The following RPSA variants were observed in gnomAD, a reference collection of about 807,000 sequenced individuals.
The protein encoded by RPSA is ribosomal protein SA.
For missense variants in RPSA, 140 were observed against 372.8 expected (o/e 0.38, Z 5.14); for synonymous variants, 103 against 126.7 (o/e 0.81, Z 1.25).
rs776972489 is a variant in RPSA at position 39,407,794 on chromosome 3, A to G, written c.133+8A>G. On this transcript the variant is annotated splice_region_variant and intron_variant, in intron 2 of 6. Coordinates refer to ENST00000301821, the MANE Select transcript of RPSA (RefSeq NM_002295.6). ...ATAAAAGGAAAAGTGATGGTTAGTC[A>G]TTGCTTTAATTTTTTGTTACTCCAG... 6.3e-6 allele frequency: 10 copies of G among 1,597,306 alleles called. No homozygotes were observed. The highest frequency in any genetic ancestry group is 6.8e-6 in the Non-Finnish European group (8 of 1,179,026).
In RPSA at chr3:39,407,604, T is replaced by A. The variant is rs1192174580; in HGVS notation, c.-33-17T>A. On this transcript the variant is annotated splice_polypyrimidine_tract_variant and intron_variant, in intron 1 of 6. Coordinates refer to ENST00000301821, the MANE Select transcript of RPSA (RefSeq NM_002295.6). Reference sequence around the variant, plus strand: ...ACTCAATGGAATGAAAAGAAATAGGTTGCTCTCTTATTTCAGATTCCCGTC... The same window carrying A: ...ACTCAATGGAATGAAAAGAAATAGGATGCTCTCTTATTTCAGATTCCCGTC... 2 of 1,575,948 alleles carry A rather than the reference T, an allele frequency of 1.3e-6. No individual in the cohort carries two copies. Among genetic ancestry groups the A allele is most frequent in the Non-Finnish European group, 1.7e-6 (2 of 1,160,748 alleles).
rs17856150 is a variant in RPSA at position 39,410,850 on chromosome 3, C to T, written c.349C>T (p.Arg117Trp). 8 of 1,601,982 alleles carry T rather than the reference C, an allele frequency of 5.0e-6. No individual in the cohort carries two copies. Among genetic ancestry groups the T allele is most frequent in the African/African-American group, 2.7e-5 (2 of 74,890 alleles). ...TFTNQIQAAF[R>W]EPRLLVVTDP... ...CACTAACCAGATCCAGGCAGCCTTCCGGGAGCCACGGCTTCTTGTGGTTAC... is the reference window on the plus strand; with the variant it reads ...CACTAACCAGATCCAGGCAGCCTTCTGGGAGCCACGGCTTCTTGTGGTTAC... The change falls in exon 4 of 7, where the codon CGG (arginine) becomes TGG (tryptophan). Residue 117 changes from arginine (R) to tryptophan (W), a missense_variant. Physicochemically the swap from Arg to Trp is moderately radical, Grantham distance 101. Transcript: ENST00000301821.
chr3:39,411,824 T>C (rs1369277294), intron 5 of RPSA, 47 bp downstream of exon 5: 1 of 1,599,624 alleles, frequency 6.3e-7, no homozygotes, highest in Non-Finnish European at 8.5e-7. Flanking sequence ...ATTGGACGAC[T>C]TGGACTGTGC....
chr3:39,406,965 G>A (rs1224280719), intron 1 of RPSA: 1 of 452,250 alleles, frequency 2.2e-6, no homozygotes, highest in Admixed American at 2.4e-5. Context: ...GGGAGCGGGT[G>A]GAGGCCGCCC....
chr3:39,411,361 G>A (rs1332627235), intron 4 of RPSA: 6 of 566,072 alleles, frequency 1.1e-5, no homozygotes, highest in South Asian at 1.9e-5. Context: ...TGCTAAAAAG[G>A]TGGGTTGTGT....
chr3:39,410,512 A>G, intron 3 of RPSA: 1 of 525,318 alleles, frequency 1.9e-6, no homozygotes, highest in South Asian at 2.1e-5. Flanking sequence ...TATACTGAGC[A>G]TCTAGATTGG....
chr3:39,408,285 A>AG, intron 2 of RPSA: 1 of 498,484 alleles, frequency 2.0e-6, no homozygotes, highest in Non-Finnish European at 3.8e-6. Context: ...AGATTATAAA[A>AG]GGGAAAGAGT....
In RPSA at chr3:39,407,201, G is replaced by A. The variant is rs984195570; in HGVS notation, c.-33-420G>A. ...GTTTTTAGACAAACAAGTGGTGACA[G>A]CACAGCGAAGTAATTCCAAAGCATC... On this transcript the variant is annotated intron_variant, in intron 1 of 6. Coordinates refer to ENST00000301821, the MANE Select transcript of RPSA (RefSeq NM_002295.6). 2.9e-5 allele frequency: 10 copies of A among 346,722 alleles called. 1 individual carries two copies. The highest frequency in any genetic ancestry group is 4.5e-5 in the Non-Finnish European group (8 of 178,206). 21.5% of individuals were successfully genotyped at this position (346,722 alleles called of 1,614,324 possible).
chr3:39,408,967 T>A (rs1308255041), intron 3 of RPSA: 2 of 429,544 alleles, frequency 4.7e-6, no homozygotes, highest in African/African-American at 4.0e-5. Flanking sequence ...GTGCCTGTAG[T>A]CCCAGCTACT....
intron 3 of RPSA, among the ~76,000 whole-genome samples, chr3:39,409,984 C>T (rs2125594352): frequency 6.6e-6 from 1 of 152,194 alleles, no homozygotes; most frequent in African/African-American, 2.4e-5. Context: ...CAAAAACGAG[C>T]TGGGTGTGGT....
rs759970132 is a variant in RPSA at position 39,412,384 on chromosome 3, G to A, written c.*16G>A. 12 of 1,171,334 alleles carry A rather than the reference G, an allele frequency of 1.0e-5. No homozygotes were observed. Among genetic ancestry groups the A allele is most frequent in the Non-Finnish European group, 1.5e-5 (12 of 801,688 alleles). 72.6% of individuals were successfully genotyped at this position (1,171,334 alleles called of 1,614,324 possible). Reference sequence around the variant, plus strand: ...CTGGTCTTAAGCTGTTCTTGCATAGGCTCTTAAGCAGCATGGAAAAATGGT... The same window carrying A: ...CTGGTCTTAAGCTGTTCTTGCATAGACTCTTAAGCAGCATGGAAAAATGGT... On this transcript the variant is annotated 3_prime_UTR_variant, in exon 7 of 7. Coordinates refer to ENST00000301821, the MANE Select transcript of RPSA (RefSeq NM_002295.6).
At chr3:39,409,072 G>A (rs1195671201) in intron 3 of RPSA, 2 of 161,834 alleles carry the variant, frequency 1.2e-5, no homozygotes, top group African/African-American at 2.6e-5. Context: ...TGACAGAGCC[G>A]AGACTCTGTC....
At chr3:39,411,852 T>C (rs1436992221) in intron 5 of RPSA, 44 bp from the exon 6 acceptor site, 1 of 1,599,416 alleles carries the variant, frequency 6.3e-7, no homozygotes, top group Non-Finnish European at 8.5e-7. Context: ...AAGCAAAACT[T>C]GTCAGTCCCT....
At chr3:39,409,013 G>A (rs1045223846) in intron 3 of RPSA, 2 of 338,832 alleles carry the variant, frequency 5.9e-6, no homozygotes, top group South Asian at 3.2e-5. Flanking sequence ...TGAACCCGGT[G>A]GGCGGAGCTT....
chr3:39,408,543 A>G, intron 2 of RPSA, 63 bp from the exon 3 acceptor site: 1 of 970,870 alleles, frequency 1.0e-6, no homozygotes, highest in Admixed American at 1.7e-5. Context: ...CACATAGAGT[A>G]AACTTGAGAA....
chr3:39,411,063 T>A, intron 4 of RPSA, 64 bp downstream of exon 4: 1 of 1,578,868 alleles, frequency 6.3e-7, no homozygotes, highest in Non-Finnish European at 8.6e-7. Flanking sequence ...CTGTGCACAT[T>A]GTTAGAGCTT....
At chr3:39,408,111 G>A in intron 2 of RPSA, 7 of 373,522 alleles carry the variant, frequency 1.9e-5, no homozygotes, top group South Asian at 1.6e-4. Context: ...AATTTTGAGT[G>A]GAAAGTGGGG....
intron 5 of RPSA, 46 bp downstream of exon 5, chr3:39,411,823 C>T: frequency 6.3e-7 from 1 of 1,599,536 alleles, no homozygotes; most frequent in Non-Finnish European, 8.5e-7. Flanking sequence ...AATTGGACGA[C>T]TTGGACTGTG....
intron 6 of RPSA, 53 bp downstream of exon 6, chr3:39,412,114 TTATTC>T: frequency 6.5e-7 from 1 of 1,541,750 alleles, no homozygotes; most frequent in Non-Finnish European, 9.0e-7. Flanking sequence ...CTTCTCAGTT[TTATTC>T]TAACTTTAAT....
Sources: gnomAD v4.1 joint callset for allele counts (sites outside exome capture counted in the v4.1 genomes callset) on GRCh38, gnomAD v4.1.1 for gene constraint, MANE v1.5 for transcripts, NCBI Gene and HGNC (gene_info 2026-07-23, HGNC 2026-07-21) for gene names.